BRD4: variants seen among roughly 807,000 people sequenced by gnomAD.
BRD4 encodes the protein bromodomain containing 4, also known as bromodomain-containing protein 4.
In BRD4, 16 loss-of-function variants were observed where a neutral mutation model predicts 142.1. The observed-to-expected ratio is 0.11, with a 90% CI of 0.08 to 0.17. The LOEUF is 0.17. Among genes scored for constraint, BRD4 ranks in the 10% least tolerant of loss-of-function variants. BRD4 has a pLI of 1.00. For synonymous variants in BRD4, 833 were observed against 707.5 expected (o/e 1.18, Z -2.82); for missense variants, 1,424 against 1,810.9 (o/e 0.79, Z 3.88).
intron 1 of BRD4, among the ~76,000 whole-genome samples, chr19:15,310,363 C>T (rs796159290): frequency 7.7e-5 from 1 of 12,934 alleles, no homozygotes; most frequent in Non-Finnish European, 2.8e-4. Context: ...TGGATTCCCC[C>T]CCCCCCCCCC....
intron 14 of BRD4, among the ~76,000 whole-genome samples, chr19:15,241,755 AG>A (rs1341374807): frequency 1.3e-5 from 2 of 151,152 alleles, no homozygotes; most frequent in African/African-American, 4.9e-5. Context: ...CAGGGAGGAC[AG>A]GCAGCTTGTT....
intron 1 of BRD4, among the ~76,000 whole-genome samples, chr19:15,317,794 G>A (rs955208570): frequency 7.2e-5 from 11 of 152,212 alleles, no homozygotes; most frequent in Admixed American, 4.6e-4. Flanking sequence ...GGGCCCAATA[G>A]AGAGACCGCT....
At chr19:15,250,707 A>G (rs1211132061) in intron 11 of BRD4, among the ~76,000 whole-genome samples, 2 of 152,176 alleles carry the variant, frequency 1.3e-5, no homozygotes, top group East Asian at 3.8e-4. Context: ...CTGTGGGGAC[A>G]CTTCTGCTCA....
intron 1 of BRD4, among the ~76,000 whole-genome samples, chr19:15,314,438 T>C (rs947494786): frequency 2.0e-5 from 3 of 152,122 alleles, no homozygotes; most frequent in African/African-American, 7.2e-5. Context: ...CACTAATCTG[T>C]GTTCTTACTA....
chr19:15,268,038 T>A (rs2145611444), intron 3 of BRD4: 1 of 154,742 alleles, frequency 6.5e-6, no homozygotes, highest in East Asian at 1.9e-4. Flanking sequence ...TCACCTCATC[T>A]ATAACATGCT....
At chr19:15,263,626 G>A in intron 6 of BRD4, 78 bp from the exon 7 acceptor site, 1 of 1,580,788 alleles carries the variant, frequency 6.3e-7, no homozygotes, top group South Asian at 1.1e-5. Flanking sequence ...AGACGAAAGG[G>A]ATGCCTAGAA....
rs1469079629 is a variant in BRD4 at position 15,243,341 on chromosome 19, G to T, written c.2728C>A (p.Gln910Lys). The change falls in exon 14 of 20, where the codon CAA becomes AAA. Residue 910 changes from glutamine (Q) to lysine (K), a missense_variant. Coordinates refer to ENST00000679869, the MANE Select transcript of BRD4 (RefSeq NM_001379291.1). Reference protein sequence around the residue: ...LPQPPMAQPPQVLLEDEEPPA... With the variant: ...LPQPPMAQPPKVLLEDEEPPA... ...GGCTCTTCATCCTCCAGCAGCACTT[G>T]GGGGGGTTGGGCCATGGGGGGCTGT... 6.8e-7 allele frequency: 1 copy of T among 1,480,946 alleles called. No individual in the cohort carries two copies. Among genetic ancestry groups the T allele is most frequent in the Non-Finnish European group, 9.0e-7 (1 of 1,116,044 alleles). 91.7% of individuals were successfully genotyped at this position (1,480,946 alleles called of 1,614,324 possible). A position where few individuals can be genotyped will look rare whatever the true frequency, so the allele number is the denominator to read the frequency against.
rs1256039116 is a variant in BRD4, at chr19:15,290,774, A to G, written c.-34-17641T>C. ...GTTCCATCTCATACCCATATGTACG[A>G]AAACCTAAGTGTACCCCCTCTTCCC... On this transcript the variant is annotated intron_variant, in intron 1 of 19. Coordinates refer to ENST00000679869, the MANE Select transcript of BRD4 (RefSeq NM_001379291.1). 3.3e-5 allele frequency among the ~76,000 whole-genome samples: 5 copies of G among 152,136 alleles called. No individual in the cohort carries two copies. The East Asian group carries it at 9.6e-4, about 29-fold the overall frequency.
At chr19:15,285,274 G>A (rs913213227) in intron 1 of BRD4, among the ~76,000 whole-genome samples, 4 of 152,222 alleles carry the variant, frequency 2.6e-5, no homozygotes, top group African/African-American at 9.7e-5. Flanking sequence ...CACTCGTATG[G>A]AACCTGTGGC....
chr19:15,312,420 G>A (rs982071408), intron 1 of BRD4, among the ~76,000 whole-genome samples: 5 of 152,124 alleles, frequency 3.3e-5, no homozygotes, highest in African/African-American at 1.2e-4. Context: ...GATCACCTGA[G>A]ATCAGGAGTT....
intron 11 of BRD4, chr19:15,247,501 C>G (rs1017159381): frequency 4.3e-6 from 1 of 233,064 alleles, no homozygotes; most frequent in Non-Finnish European, 8.5e-6. Context: ...CCCTGGACAG[C>G]GAGGTTGAAA....
chr19:15,310,240 GTC>G (rs2047955774), intron 1 of BRD4, among the ~76,000 whole-genome samples: 2 of 130,926 alleles, frequency 1.5e-5, no homozygotes, highest in Admixed American at 8.4e-5. Flanking sequence ...TTGAAAGAGA[GTC>G]TCACTTTGTT....
At chr19:15,328,483 A>T (rs1210382233) in intron 1 of BRD4, among the ~76,000 whole-genome samples, 1 of 152,208 alleles carries the variant, frequency 6.6e-6, no homozygotes, top group South Asian at 2.1e-4. Flanking sequence ...ACTGCATGCC[A>T]GGCTGCTCGG....
chr19:15,274,814 C>T (rs903095478), intron 1 of BRD4, among the ~76,000 whole-genome samples: 1 of 152,020 alleles, frequency 6.6e-6, no homozygotes, highest in Non-Finnish European at 1.5e-5. Context: ...GACCACTCTT[C>T]TTCACCTTCT....
At chr19:15,297,980 C>T (rs530899407) in intron 1 of BRD4, among the ~76,000 whole-genome samples, 1 of 152,314 alleles carries the variant, frequency 6.6e-6, no homozygotes, top group African/African-American at 2.4e-5. Flanking sequence ...ACAGGAGATT[C>T]TATTACAACC....
intron 11 of BRD4, among the ~76,000 whole-genome samples, chr19:15,245,503 G>A (rs547635099): frequency 3.0e-4 from 45 of 152,282 alleles, no homozygotes; most frequent in Non-Finnish European, 4.6e-4. Flanking sequence ...GGCAGCATAC[G>A]CCCCCACTCG....
intron 1 of BRD4, among the ~76,000 whole-genome samples, chr19:15,322,031 C>A (rs2048065954): frequency 6.6e-6 from 1 of 152,190 alleles, no homozygotes; most frequent in African/African-American, 2.4e-5. Flanking sequence ...CATACACACA[C>A]ACACAAATCA....
chr19:15,256,055 G>A lies in BRD4; in HGVS notation c.1751+9C>T, dbSNP rs1214498806. ...GTCCCCACCCAGGACAAATTCAGGG[G>A]ACACAGACCTCACATTGCTGTTGCT... On this transcript the variant is annotated intron_variant, in intron 9 of 19. Coordinates refer to ENST00000679869, the MANE Select transcript of BRD4 (RefSeq NM_001379291.1). The A allele has an allele frequency of 3.7e-6, 6 of 1,610,482 alleles. No individual in the cohort carries two copies. Among genetic ancestry groups the A allele is most frequent in the Non-Finnish European group, 5.1e-6 (6 of 1,179,618 alleles).
Position 15,256,665 on chromosome 19 carries a change from C to T in BRD4, c.1551+299G>A, listed in dbSNP as rs993219444. Among the ~76,000 whole-genome samples, 5 of 152,170 alleles carry T rather than the reference C, an allele frequency of 3.3e-5. No homozygotes were observed. The South Asian group carries it at 6.2e-4, about 19-fold the overall frequency. On this transcript the variant is annotated intron_variant, in intron 8 of 19. Transcript: ENST00000679869. The stretch of plus-strand genomic sequence containing the variant: ...AGCAAACAGGTAGCCCCAGGAGAGA[C>T]GAACATCCTGGCTCAACCTCCTCCT...
Sources: gnomAD v4.1 joint callset for allele counts (sites outside exome capture counted in the v4.1 genomes callset) on GRCh38, gnomAD v4.1.1 for gene constraint, MANE v1.5 for transcripts, NCBI Gene and HGNC (gene_info 2026-07-23, HGNC 2026-07-21) for gene names.